NBAS: variants seen among roughly 807,000 people sequenced by gnomAD.
NBAS encodes NBAS subunit of NRZ tethering complex.
Under a neutral mutation model 302.5 loss-of-function variants are expected in NBAS, and 219 were observed. That is an observed-to-expected ratio of 0.72 (90% CI 0.65 to 0.81). NBAS has a LOEUF of 0.81. Among genes scored for constraint, NBAS ranks in the 30% least tolerant of loss-of-function variants. The pLI, the probability that NBAS is intolerant of heterozygous loss-of-function variation, is 0.00. For synonymous variants in NBAS, 1,118 were observed against 1,021.6 expected (o/e 1.09, Z -1.80); for missense variants, 2,932 against 2,841.6 (o/e 1.03, Z -0.72).
At chr2:15,062,483 C>A in the NBAS span, among the ~76,000 whole-genome samples, 5 of 152,120 alleles carry the variant, frequency 3.3e-5, no homozygotes, top group African/African-American at 4.8e-5. Context: ...GGCATGAAAT[C>A]CAAATAAATG....
intron 47 of NBAS, among the ~76,000 whole-genome samples, chr2:15,226,925 G>A (rs1667173387): frequency 6.6e-6 from 1 of 152,068 alleles, no homozygotes; most frequent in South Asian, 2.1e-4. Context: ...TTATTGCTCT[G>A]AATAGAACTT....
At chr2:15,449,588 A>AC (rs904203843) in intron 21 of NBAS, among the ~76,000 whole-genome samples, 2 of 89,914 alleles carry the variant, frequency 2.2e-5, no homozygotes, top group African/African-American at 7.6e-5. Context: ...CTCGCCCTGA[A>AC]CCCTTTTTTT....
the NBAS span, among the ~76,000 whole-genome samples, chr2:14,787,234 T>C: frequency 1.3e-5 from 2 of 152,164 alleles, no homozygotes; most frequent in African/African-American, 4.8e-5. Context: ...TGAGATGGGT[T>C]TCCTGAATAC....
chr2:14,850,190 C>T, the NBAS span, among the ~76,000 whole-genome samples: 16 of 134,240 alleles, frequency 1.2e-4, 1 homozygote, highest in Admixed American at 3.5e-4. Context: ...ACCCATCTCA[C>T]GTGCAGAGAC....
chr2:15,214,314 A>G (rs932314312), intron 48 of NBAS, among the ~76,000 whole-genome samples: 14 of 152,268 alleles, frequency 9.2e-5, no homozygotes, highest in Non-Finnish European at 1.5e-4. Context: ...ACATAAGGAT[A>G]GGCAGGAAAA....
chr2:14,948,040 G>T, the NBAS span, among the ~76,000 whole-genome samples: 1 of 151,734 alleles, frequency 6.6e-6, no homozygotes, highest in East Asian at 1.9e-4. Flanking sequence ...TTGGTTTGAT[G>T]GAATATATGG....
At chr2:15,366,495 A>G (rs1674206601) in intron 32 of NBAS, 85 bp downstream of exon 32, 1 of 1,291,930 alleles carries the variant, frequency 7.7e-7, no homozygotes, top group Non-Finnish European at 1.1e-6. Flanking sequence ...CTGACGCTGT[A>G]AGCACATATT....
the NBAS span, among the ~76,000 whole-genome samples, chr2:15,035,058 T>G: frequency 6.6e-6 from 1 of 152,074 alleles, no homozygotes; most frequent in Non-Finnish European, 1.5e-5. Context: ...CAGTATTTCA[T>G]AGTATGTTGC....
At chr2:15,131,937 T>A in the NBAS span, among the ~76,000 whole-genome samples, 1 of 152,156 alleles carries the variant, frequency 6.6e-6, no homozygotes, top group African/African-American at 2.4e-5. Flanking sequence ...ACTCACTCAC[T>A]ATCAGGAGGA....
chr2:15,387,985 A>G (rs997156870), intron 28 of NBAS, among the ~76,000 whole-genome samples: 1 of 152,162 alleles, frequency 6.6e-6, no homozygotes, highest in African/African-American at 2.4e-5. Context: ...CTGAGCATCA[A>G]CTATGTACCT....
At chr2:15,292,982 A>G (rs1670379705) in intron 40 of NBAS, among the ~76,000 whole-genome samples, 1 of 152,158 alleles carries the variant, frequency 6.6e-6, no homozygotes, top group Non-Finnish European at 1.5e-5. Flanking sequence ...ACTAGGCCCA[A>G]AAACAGCTTT....
the NBAS span, among the ~76,000 whole-genome samples, chr2:15,068,880 T>C: frequency 0.012 from 1,788 of 152,312 alleles, 31 homozygotes; most frequent in African/African-American, 0.041. Flanking sequence ...TTTACAGTTA[T>C]GGAGGCTGAG....
chr2:15,413,687 A>C (rs1004122518), intron 25 of NBAS, among the ~76,000 whole-genome samples: 6 of 151,596 alleles, frequency 4.0e-5, no homozygotes, highest in Admixed American at 6.6e-5. Context: ...ACAGCAAAGA[A>C]CCTTCCAAGC....
Position 15,167,134 on chromosome 2 carries a change from C to G in NBAS, c.7030G>C (p.Gly2344Arg), listed in dbSNP as rs780113723. 3 of 1,614,086 alleles carry G rather than the reference C, an allele frequency of 1.9e-6. No homozygotes were observed. Among genetic ancestry groups the G allele is most frequent in the African/African-American group, 1.3e-5 (1 of 74,950 alleles). ...LREAGHEAEA[G>R]SLLLAVRGTH... ...CCCCTCACGGCCAGAAGGAGAGACC[C>G]GGCTTCGGCTTCATGGCCGGCCTCC... is the stretch of plus-strand genomic sequence containing the variant. The change falls in exon 52 of 52, where the codon GGG becomes CGG. Residue 2344 changes from glycine to arginine, a missense_variant. Transcript: ENST00000281513.
intron 26 of NBAS, among the ~76,000 whole-genome samples, chr2:15,401,375 G>A (rs1428797607): frequency 6.6e-6 from 1 of 150,996 alleles, no homozygotes; most frequent in Non-Finnish European, 1.5e-5. Context: ...AAAAGAAAAA[G>A]GAAAAGAGAG....
intron 23 of NBAS, among the ~76,000 whole-genome samples, chr2:15,421,742 G>C (rs865907866): frequency 3.9e-5 from 6 of 152,168 alleles, no homozygotes; most frequent in Middle Eastern, 3.4e-3. Flanking sequence ...CTCAAAAAGA[G>C]AATTCAAGGT....
At chr2:14,886,744 G>A in the NBAS span, 3 of 152,180 alleles carry the variant, frequency 2.0e-5, no homozygotes, top group African/African-American at 7.2e-5. Flanking sequence ...AAATGCCTAA[G>A]GTGAATAGGT....
chr2:15,135,402 G>C, the NBAS span, among the ~76,000 whole-genome samples: 1 of 152,152 alleles, frequency 6.6e-6, no homozygotes, highest in Non-Finnish European at 1.5e-5. Context: ...GTGCAGTCTT[G>C]GCATGAGGTG....
At chr2:14,898,970 T>A in the NBAS span, among the ~76,000 whole-genome samples, 1 of 152,290 alleles carries the variant, frequency 6.6e-6, no homozygotes, top group South Asian at 2.1e-4. Context: ...TTGGGGTCTC[T>A]CATGTGGTTT....
Sources: allele counts gnomAD v4.1 joint callset (sites outside exome capture counted in the v4.1 genomes callset), GRCh38; gene constraint gnomAD v4.1.1; transcripts MANE v1.5; gene names NCBI Gene and HGNC (gene_info 2026-07-23, HGNC 2026-07-21).